The following ZCCHC17 variants were observed in gnomAD, a reference collection of about 807,000 sequenced individuals.
The protein encoded by ZCCHC17 is zinc finger CCHC domain-containing protein 17.
A neutral mutation model predicts 30.6 loss-of-function variants in ZCCHC17; 18 were observed. That is an observed-to-expected ratio of 0.59 (90% CI 0.41 to 0.87). The LOEUF (loss-of-function observed/expected upper bound fraction) is 0.87, where lower values mean the gene tolerates loss of function less well. ZCCHC17 is among the 40% of genes least tolerant of loss of function. The pLI, the probability that ZCCHC17 is intolerant of heterozygous loss-of-function variation, is 0.00. For missense variants in ZCCHC17, 263 were observed against 284.2 expected (o/e 0.93, Z 0.54); for synonymous variants, 88 against 92.4 (o/e 0.95, Z 0.27).
chr1:31,330,241 G>A (rs1007877399), intron 3 of ZCCHC17, among the ~76,000 whole-genome samples: 4 of 152,162 alleles, frequency 2.6e-5, no homozygotes, highest in Admixed American at 2.0e-4. Flanking sequence ...GGACTATAAT[G>A]GGCTCACTCT....
intron 3 of ZCCHC17, among the ~76,000 whole-genome samples, chr1:31,321,085 G>A (rs1309451204): frequency 1.3e-5 from 2 of 152,086 alleles, no homozygotes; most frequent in South Asian, 2.1e-4. Flanking sequence ...TTGGGGAAAT[G>A]TCTATTCAAA....
At position 31,321,167 on chromosome 1, in the gene ZCCHC17, G is replaced by A. The variant is rs374588319; in HGVS notation, c.124+2001G>A. On this transcript the variant is annotated intron_variant, in intron 3 of 7. Coordinates refer to ENST00000344147, the MANE Select transcript of ZCCHC17 (RefSeq NM_016505.4). ...GTAGTTCTCGTAATCCCCATGTGCTGTGGTAGGGACCAGGTGGAGATAATT... is the reference window on the plus strand; with the variant it reads ...GTAGTTCTCGTAATCCCCATGTGCTATGGTAGGGACCAGGTGGAGATAATT... Among the ~76,000 whole-genome samples the A allele has an allele frequency of 2.0e-5, 3 of 152,272 alleles. No homozygotes were observed. In the South Asian group the frequency reaches 6.2e-4, roughly 32 times the overall value.
At chr1:31,298,391 T>G (rs1646223101) in intron 1 of ZCCHC17, among the ~76,000 whole-genome samples, 2 of 151,826 alleles carry the variant, frequency 1.3e-5, no homozygotes, top group African/African-American at 4.8e-5. Flanking sequence ...TTTTTTGTTT[T>G]TTTTTTTTTT....
intron 5 of ZCCHC17, among the ~76,000 whole-genome samples, chr1:31,342,431 C>A (rs1369756940): frequency 1.3e-5 from 2 of 152,214 alleles, no homozygotes; most frequent in African/African-American, 4.8e-5. Flanking sequence ...AAGCAGTTGT[C>A]CCCGACCTTT....
At chr1:31,299,358 C>T (rs568700573) in intron 1 of ZCCHC17, among the ~76,000 whole-genome samples, 19 of 152,266 alleles carry the variant, frequency 1.2e-4, no homozygotes, top group African/African-American at 4.1e-4. Context: ...GCATATCCAG[C>T]GGTTTAGTGC....
intron 7 of ZCCHC17, among the ~76,000 whole-genome samples, chr1:31,352,236 C>T (rs1639493348): frequency 6.6e-6 from 1 of 152,128 alleles, no homozygotes; most frequent in African/African-American, 2.4e-5. Flanking sequence ...GCATTAAATA[C>T]ATTCATATTG....
At chr1:31,302,976 G>A (rs1462394247) in intron 1 of ZCCHC17, among the ~76,000 whole-genome samples, 1 of 152,180 alleles carries the variant, frequency 6.6e-6, no homozygotes, top group African/African-American at 2.4e-5. Flanking sequence ...GAGGTATAGT[G>A]CTTAAGAATG....
chr1:31,339,142 A>G (rs952386555), intron 5 of ZCCHC17, 94 bp downstream of exon 5: 2 of 885,900 alleles, frequency 2.3e-6, no homozygotes, highest in Admixed American at 5.4e-5. Flanking sequence ...TCTACCATTT[A>G]TGGACTTTGT....
At chr1:31,307,956 A>G (rs1002306273) in intron 1 of ZCCHC17, among the ~76,000 whole-genome samples, 5 of 152,186 alleles carry the variant, frequency 3.3e-5, no homozygotes, top group Admixed American at 1.3e-4. Context: ...TGGTGCCCCT[A>G]TGGATTCTGT....
chr1:31,308,372 A>T (rs1646517704), intron 1 of ZCCHC17, among the ~76,000 whole-genome samples: 2 of 152,140 alleles, frequency 1.3e-5, no homozygotes, highest in Non-Finnish European at 2.9e-5. Context: ...TCCTGAAAGG[A>T]TTTTCTTTCA....
rs1313487052 is a variant in ZCCHC17, at chr1:31,303,051, G to A, written c.-56+5976G>A. Among the ~76,000 whole-genome samples, 9 of 152,060 alleles carry A rather than the reference G, an allele frequency of 5.9e-5. No homozygotes were observed. In the East Asian group the frequency reaches 1.7e-3, roughly 29 times the overall value. The stretch of plus-strand genomic sequence containing the variant: ...TCAGCACTTTGGGAGGCTGAGGTAG[G>A]AGGATTGCTTGAGCCAGGAGTTCAA... On this transcript the variant is annotated intron_variant, in intron 1 of 7. Coordinates refer to ENST00000344147, the MANE Select transcript of ZCCHC17 (RefSeq NM_016505.4).
At chr1:31,317,809 C>T (rs1285691756) in intron 2 of ZCCHC17, among the ~76,000 whole-genome samples, 1 of 152,150 alleles carries the variant, frequency 6.6e-6, no homozygotes, top group Non-Finnish European at 1.5e-5. Flanking sequence ...TAAGGATCTA[C>T]TGTATATGCT....
At chr1:31,309,657 AGT>A (rs1351690059) in intron 1 of ZCCHC17, among the ~76,000 whole-genome samples, 1 of 152,214 alleles carries the variant, frequency 6.6e-6, no homozygotes, top group African/African-American at 2.4e-5. Flanking sequence ...TGCTTAGCAC[AGT>A]GCCTGGACAT....
At chr1:31,331,548 T>A (rs1405321532) in intron 3 of ZCCHC17, among the ~76,000 whole-genome samples, 1 of 152,138 alleles carries the variant, frequency 6.6e-6, no homozygotes. Flanking sequence ...GTGCTTGAAG[T>A]TGGCAGAGTT....
At chr1:31,336,805 C>A (rs1269901189) in intron 3 of ZCCHC17, among the ~76,000 whole-genome samples, 1 of 151,002 alleles carries the variant, frequency 6.6e-6, no homozygotes, top group Middle Eastern at 3.4e-3. Flanking sequence ...GCTAGAGCTA[C>A]AGACACGTGC....
At chr1:31,317,110 T>C (rs141613238) in intron 2 of ZCCHC17, among the ~76,000 whole-genome samples, 73 of 150,452 alleles carry the variant, frequency 4.9e-4, no homozygotes, top group African/African-American at 1.8e-3. Flanking sequence ...ACTCAACCTC[T>C]GCTTCCCAGG....
chr1:31,339,156 A>G (rs1315945622), intron 5 of ZCCHC17, 108 bp downstream of exon 5: 1 of 794,800 alleles, frequency 1.3e-6, no homozygotes, highest in Non-Finnish European at 2.0e-6. Context: ...ACTTTGTGAT[A>G]TTGATAAGTT....
intron 1 of ZCCHC17, among the ~76,000 whole-genome samples, chr1:31,307,198 C>T (rs1646483583): frequency 6.6e-6 from 1 of 151,306 alleles, no homozygotes; most frequent in African/African-American, 2.4e-5. Context: ...GTCTTGAACT[C>T]CTGGCCTCAA....
At chr1:31,311,425 C>G (rs1488223775) in intron 2 of ZCCHC17, among the ~76,000 whole-genome samples, 1 of 152,224 alleles carries the variant, frequency 6.6e-6, no homozygotes, top group Non-Finnish European at 1.5e-5. Context: ...CTTGCTCTCT[C>G]TTTAGGATTT....
Sources: allele counts gnomAD v4.1 joint callset (sites outside exome capture counted in the v4.1 genomes callset), GRCh38; gene constraint gnomAD v4.1.1; transcripts MANE v1.5; gene names NCBI Gene and HGNC (gene_info 2026-07-23, HGNC 2026-07-21).